The following ZNF804B variants were observed in gnomAD, a reference collection of about 807,000 sequenced individuals.
ZNF804B encodes the protein zinc finger 804B.
In ZNF804B, 80 loss-of-function variants were observed where a neutral mutation model predicts 101.4. That is an observed-to-expected ratio of 0.79 (90% confidence interval 0.66 to 0.95). The LOEUF (loss-of-function observed/expected upper bound fraction) is 0.95. ZNF804B is among the 40% of genes least tolerant of loss of function. ZNF804B has a pLI of 0.00. For synonymous variants in ZNF804B, 622 were observed against 558.8 expected (o/e 1.11, Z -1.59); for missense variants, 1,673 against 1,561.9 (o/e 1.07, Z -1.20).
intron 1 of ZNF804B, chr7:88,795,009 G>T (rs1586905913): frequency 1.4e-6 from 2 of 1,379,940 alleles, no homozygotes; most frequent in South Asian, 1.6e-5. Flanking sequence ...ATGCTGCCAG[G>T]GTACCTCTTT....
chr7:89,081,774 T>A (rs1370261966), intron 1 of ZNF804B, among the ~76,000 whole-genome samples: 3 of 151,818 alleles, frequency 2.0e-5, no homozygotes, highest in Non-Finnish European at 4.4e-5. Context: ...TTCATCTTGT[T>A]GTATTTGGGT....
chr7:89,231,286 T>C (rs1229734075), intron 2 of ZNF804B, among the ~76,000 whole-genome samples: 1 of 152,094 alleles, frequency 6.6e-6, no homozygotes, highest in Non-Finnish European at 1.5e-5. Context: ...TTCTAGATTC[T>C]CTATTTCATT....
chr7:89,083,757 A>G (rs554675871), intron 1 of ZNF804B, among the ~76,000 whole-genome samples: 1 of 152,040 alleles, frequency 6.6e-6, no homozygotes, highest in South Asian at 2.1e-4. Context: ...ATTAAAAGCT[A>G]TAACCTATGG....
intron 1 of ZNF804B, among the ~76,000 whole-genome samples, chr7:89,151,084 G>A (rs1193032671): frequency 6.6e-6 from 1 of 152,008 alleles, no homozygotes; most frequent in Non-Finnish European, 1.5e-5. Flanking sequence ...AGGAAAGAAA[G>A]TTTAGATGTA....
At chr7:89,111,438 T>C (rs1272151869) in intron 1 of ZNF804B, among the ~76,000 whole-genome samples, 1 of 86,602 alleles carries the variant, frequency 1.2e-5, no homozygotes, top group Non-Finnish European at 2.2e-5. Context: ...AGGTGTGTAG[T>C]ATTGCCTTGT....
intron 1 of ZNF804B, among the ~76,000 whole-genome samples, chr7:88,934,069 A>C (rs1198555702): frequency 6.6e-6 from 1 of 152,032 alleles, no homozygotes; most frequent in Non-Finnish European, 1.5e-5. Flanking sequence ...ATAAAAATAG[A>C]CATGTAGACC....
At chr7:89,198,417 T>C (rs375538925) in intron 1 of ZNF804B, among the ~76,000 whole-genome samples, 124 of 152,076 alleles carry the variant, frequency 8.2e-4, no homozygotes, top group African/African-American at 2.8e-3. Context: ...ATAATATTAA[T>C]AGCGTTTGTA....
At chr7:88,975,875 C>T (rs1160411157) in intron 1 of ZNF804B, among the ~76,000 whole-genome samples, 1 of 151,562 alleles carries the variant, frequency 6.6e-6, no homozygotes, top group Admixed American at 6.6e-5. Context: ...AGAATTTTGC[C>T]CAATGTTTCC....
At position 89,263,935 on chromosome 7, in the gene ZNF804B, G is replaced by A. The variant is rs532071437; in HGVS notation, c.249+45640G>A. Among the ~76,000 whole-genome samples the A allele has an allele frequency of 5.3e-5, 8 of 152,236 alleles. No homozygotes were observed. In the East Asian group the frequency reaches 1.2e-3, roughly 22 times the overall value. On this transcript the variant is annotated intron_variant, in intron 2 of 3. Transcript: ENST00000333190. ...CTTGTTTCAATTAACCAAGTTTGTG[G>A]TAATTTTTAATGGAAGTCCTAGGAA...
intron 1 of ZNF804B, among the ~76,000 whole-genome samples, chr7:89,015,779 T>G (rs887028741): frequency 2.6e-5 from 4 of 152,186 alleles, no homozygotes; most frequent in Non-Finnish European, 5.9e-5. Context: ...CTATTGTGAA[T>G]AGTGCCGCAA....
intron 2 of ZNF804B, among the ~76,000 whole-genome samples, chr7:89,232,837 T>A (rs529828653): frequency 1.3e-5 from 2 of 152,298 alleles, no homozygotes; most frequent in Non-Finnish European, 2.9e-5. Context: ...ATTTTCTTTT[T>A]AAAAATCTAC....
At chr7:88,945,704 G>A (rs886718828) in intron 1 of ZNF804B, among the ~76,000 whole-genome samples, 3 of 152,078 alleles carry the variant, frequency 2.0e-5, no homozygotes, top group Admixed American at 6.6e-5. Flanking sequence ...TCATGATATT[G>A]ATTCTTCCTA....
chr7:89,105,289 G>A (rs77615580), intron 1 of ZNF804B, among the ~76,000 whole-genome samples: 1,728 of 152,144 alleles, frequency 0.011, 27 homozygotes, highest in African/African-American at 0.039. Flanking sequence ...AATAACCAAG[G>A]AATTAAACAT....
rs1789886479 is a variant in ZNF804B, at chr7:89,271,074, ATTGTC to A, written c.249+52780_249+52784del. Among the ~76,000 whole-genome samples, 3 of 152,240 alleles carry A rather than the reference ATTGTC, an allele frequency of 2.0e-5. No homozygotes were observed. The South Asian group carries it at 6.2e-4, about 32-fold the overall frequency. On this transcript the variant is annotated intron_variant, in intron 2 of 3. Coordinates refer to ENST00000333190, the MANE Select transcript of ZNF804B (RefSeq NM_181646.5). ...ACCCTTTATTTCTTTCTCCTGCCTG[ATTGTC>A]CTGGCTAGAACTTCCAACACTATGT...
Position 88,984,088 on chromosome 7 carries a change from G to C in ZNF804B, c.108+224004G>C, listed in dbSNP as rs577421222. Among the ~76,000 whole-genome samples the C allele has an allele frequency of 1.4e-4, 22 of 152,172 alleles. No homozygotes were observed. In the South Asian group the frequency reaches 4.4e-3, roughly 30 times the overall value. On this transcript the variant is annotated intron_variant, in intron 1 of 3. Coordinates refer to ENST00000333190, the MANE Select transcript of ZNF804B (RefSeq NM_181646.5). ...CTAACTTTCTCTAACTAGCAAGTAA[G>C]ATGCAAATATAGATTTGTCTGCCTT...
intron 1 of ZNF804B, among the ~76,000 whole-genome samples, chr7:89,073,013 T>C (rs1043531586): frequency 6.6e-6 from 1 of 152,110 alleles, no homozygotes; most frequent in African/African-American, 2.4e-5. Context: ...TTATGGATAA[T>C]CAAGTTTGAA....
intron 2 of ZNF804B, among the ~76,000 whole-genome samples, chr7:89,296,351 A>G (rs1316395862): frequency 6.6e-6 from 1 of 151,962 alleles, no homozygotes; most frequent in Non-Finnish European, 1.5e-5. Flanking sequence ...CTTTATTTTC[A>G]TATAATTTTT....
chr7:89,271,142 G>A (rs1223922817), intron 2 of ZNF804B, among the ~76,000 whole-genome samples: 1 of 152,124 alleles, frequency 6.6e-6, no homozygotes, highest in Non-Finnish European at 1.5e-5. Flanking sequence ...CCTGTCTTGT[G>A]CCAGTTTTCA....
At chr7:88,852,799 A>G (rs1255480224) in intron 1 of ZNF804B, among the ~76,000 whole-genome samples, 2 of 152,096 alleles carry the variant, frequency 1.3e-5, no homozygotes, top group Non-Finnish European at 2.9e-5. Context: ...CATCTAGTAA[A>G]TGATGGAGTT....
Sources: gnomAD v4.1 joint callset for allele counts (sites outside exome capture counted in the v4.1 genomes callset) on GRCh38, gnomAD v4.1.1 for gene constraint, MANE v1.5 for transcripts, NCBI Gene and HGNC (gene_info 2026-07-23, HGNC 2026-07-21) for gene names.